PATJ: variants seen among roughly 807,000 people sequenced by gnomAD.
PATJ encodes the protein inaD-like protein.
In PATJ, 190 loss-of-function variants were observed where a neutral mutation model predicts 224.9. That is an observed-to-expected ratio of 0.84 (90% CI 0.75 to 0.95). The LOEUF (loss-of-function observed/expected upper bound fraction) is 0.95, where lower values mean the gene tolerates loss of function less well. Ranked by LOEUF, PATJ falls within the 40% of genes least tolerant of loss-of-function variation. PATJ has a pLI of 0.00. For synonymous variants in PATJ, 769 were observed against 820.3 expected, an observed-to-expected ratio of 0.94 and a Z score of 1.07; for missense variants, 2,121 against 2,270.3, an observed-to-expected ratio of 0.93 and a Z score of 1.34.
At chr1:61,792,286 T>C (rs1008775039) in intron 9 of PATJ, among the ~76,000 whole-genome samples, 2 of 152,158 alleles carry the variant, frequency 1.3e-5, no homozygotes, top group Admixed American at 6.5e-5. Flanking sequence ...GCCACCTTTA[T>C]TTAGGTTCAG....
chr1:62,101,695 G>A (rs1312107529), intron 33 of PATJ, among the ~76,000 whole-genome samples: 1 of 152,160 alleles, frequency 6.6e-6, no homozygotes, highest in African/African-American at 2.4e-5. Context: ...GTGGAATAAA[G>A]GGAGTTTTCC....
At chr1:61,873,465 G>A (rs72674700) in intron 20 of PATJ, among the ~76,000 whole-genome samples, 3,475 of 152,172 alleles carry the variant, frequency 0.023, 70 homozygotes, top group Non-Finnish European at 0.033. Context: ...CACTGCACCC[G>A]GCAATAAAAT....
At chr1:62,081,856 C>T (rs956572015) in intron 32 of PATJ, among the ~76,000 whole-genome samples, 7 of 152,140 alleles carry the variant, frequency 4.6e-5, no homozygotes, top group African/African-American at 1.4e-4. Flanking sequence ...CGTGAGCCAC[C>T]GCACCCGACC....
intron 30 of PATJ, among the ~76,000 whole-genome samples, chr1:62,049,483 C>G (rs573873156): frequency 1.2e-3 from 179 of 152,154 alleles, no homozygotes; most frequent in South Asian, 3.1e-3. Flanking sequence ...AACTCTTTTC[C>G]CTATAAACTA....
intron 1 of PATJ, among the ~76,000 whole-genome samples, chr1:61,759,501 C>T (rs1024330058): frequency 1.3e-5 from 2 of 151,880 alleles, no homozygotes; most frequent in Non-Finnish European, 2.9e-5. Context: ...CCTCCACCTC[C>T]TGCGTTCAAG....
intron 31 of PATJ, among the ~76,000 whole-genome samples, chr1:62,066,407 A>G (rs1656436850): frequency 6.6e-6 from 1 of 150,962 alleles, no homozygotes; most frequent in African/African-American, 2.4e-5. Flanking sequence ...TTTTTGAGAC[A>G]GGGTCACACT....
chr1:62,054,404 G>A, intron 31 of PATJ: 1 of 413,612 alleles, frequency 2.4e-6, no homozygotes, highest in Non-Finnish European at 4.8e-6. Flanking sequence ...GCTAAGCCGT[G>A]GCCTATGCAT....
chr1:62,122,280 G>A (rs759120424), intron 38 of PATJ, among the ~76,000 whole-genome samples: 1 of 146,540 alleles, frequency 6.8e-6, no homozygotes, highest in South Asian at 2.2e-4. Context: ...CAGGAGAATC[G>A]CTTGAACCCA....
chr1:62,092,100 AGGT>A (rs1660814021), intron 33 of PATJ, among the ~76,000 whole-genome samples: 1 of 150,610 alleles, frequency 6.6e-6, no homozygotes, highest in South Asian at 2.1e-4. Context: ...ATTCAAGGCC[AGGT>A]GCAGTGGCTC....
chr1:61,750,990 A>C (rs1278432988), intron 1 of PATJ, among the ~76,000 whole-genome samples: 1 of 133,796 alleles, frequency 7.5e-6, no homozygotes, highest in Non-Finnish European at 1.6e-5. Context: ...TCCCTTTTCT[A>C]TTTTATTTTA....
chr1:62,026,635 G>A (rs1433275306), intron 29 of PATJ, among the ~76,000 whole-genome samples: 6 of 152,216 alleles, frequency 3.9e-5, no homozygotes, highest in South Asian at 2.1e-4. Context: ...TTGATAAAAC[G>A]GTATTTTGTT....
intron 41 of PATJ, among the ~76,000 whole-genome samples, chr1:62,144,948 G>A (rs1002142899): frequency 3.3e-5 from 5 of 151,802 alleles, no homozygotes; most frequent in Admixed American, 2.0e-4. Context: ...AAGTAGCTGG[G>A]ACTCCAGGCC....
At chr1:62,108,855 C>T (rs536009017) in intron 34 of PATJ, among the ~76,000 whole-genome samples, 4 of 152,120 alleles carry the variant, frequency 2.6e-5, no homozygotes, top group Non-Finnish European at 5.9e-5. Flanking sequence ...AAAACACATA[C>T]ATATAGATAC....
intron 27 of PATJ, among the ~76,000 whole-genome samples, chr1:61,956,669 T>C (rs1168482109): frequency 1.3e-5 from 2 of 152,218 alleles, no homozygotes; most frequent in African/African-American, 2.4e-5. Context: ...ATAGTGATCA[T>C]CTAATAACAA....
At chr1:61,967,877 A>G (rs1363035963) in intron 27 of PATJ, among the ~76,000 whole-genome samples, 1 of 152,162 alleles carries the variant, frequency 6.6e-6, no homozygotes, top group African/African-American at 2.4e-5. Context: ...GAGAAAAGCA[A>G]TTGTTCACTG....
chr1:62,034,986 C>T (rs17122953), intron 29 of PATJ, among the ~76,000 whole-genome samples: 1,815 of 152,222 alleles, frequency 0.012, 39 homozygotes, highest in African/African-American at 0.041. Flanking sequence ...GTATACTCTG[C>T]GCTGTGAGTT....
chr1:61,883,757 TAAAA>T (rs66752201), intron 21 of PATJ, among the ~76,000 whole-genome samples: 6 of 113,928 alleles, frequency 5.3e-5, no homozygotes, highest in Admixed American at 9.5e-5. Context: ...CTCCGTCTCT[TAAAA>T]AAAAAAAAAA....
chr1:61,859,058 A>G (rs1664145913), intron 18 of PATJ, among the ~76,000 whole-genome samples: 1 of 152,130 alleles, frequency 6.6e-6, no homozygotes, highest in Non-Finnish European at 1.5e-5. Flanking sequence ...TGTAGCAGGA[A>G]CTTTGTCTAG....
intron 7 of PATJ, among the ~76,000 whole-genome samples, chr1:61,782,863 G>T (rs781298706): frequency 7.2e-5 from 11 of 152,190 alleles, no homozygotes; most frequent in Admixed American, 5.2e-4. Flanking sequence ...CCCTTGAAGT[G>T]CAGAAACCTC....
Sources: gnomAD v4.1 joint callset for allele counts (sites outside exome capture counted in the v4.1 genomes callset) on GRCh38, gnomAD v4.1.1 for gene constraint, MANE v1.5 for transcripts, NCBI Gene and HGNC (gene_info 2026-07-23, HGNC 2026-07-21) for gene names.